SIK3: variants seen among roughly 807,000 people sequenced by gnomAD.
SIK3 encodes SIK family kinase 3, also known as serine/threonine-protein kinase SIK3.
SIK3 carries 28 observed loss-of-function variants against 144.2 expected under a neutral mutation model. The observed-to-expected ratio is 0.19, with a 90% CI of 0.14 to 0.27. SIK3 has a LOEUF of 0.27. SIK3 is among the 10% of genes least tolerant of loss of function. The probability of loss-of-function intolerance (pLI) is 1.00; values close to 1 mark genes in which losing one functional copy is unlikely to be tolerated. For synonymous variants in SIK3, 686 were observed against 676.3 expected, an observed-to-expected ratio of 1.01 and a Z score of -0.22; for missense variants, 1,319 against 1,776.0, an observed-to-expected ratio of 0.74 and a Z score of 4.62.
intron 1 of SIK3, among the ~76,000 whole-genome samples, chr11:117,034,573 A>C (rs1370056625): frequency 6.6e-6 from 1 of 152,206 alleles, no homozygotes; most frequent in African/African-American, 2.4e-5. Flanking sequence ...AGTAACACCA[A>C]AAACTTCAGA....
At chr11:117,031,506 A>ATTTTATTTTAT (rs1354801650) in intron 1 of SIK3, among the ~76,000 whole-genome samples, 32 of 148,978 alleles carry the variant, frequency 2.1e-4, no homozygotes, top group African/African-American at 7.4e-4. Context: ...ATTTTATTTT[A>ATTTTATTTTAT]TTTTATTTTA....
intron 3 of SIK3, among the ~76,000 whole-genome samples, chr11:116,939,221 C>T (rs1332621793): frequency 6.6e-6 from 1 of 152,216 alleles, no homozygotes; most frequent in Admixed American, 6.5e-5. Context: ...GGACTCAGCT[C>T]ACTGCAACCT....
intron 1 of SIK3, among the ~76,000 whole-genome samples, chr11:117,067,502 T>A (rs1954073583): frequency 6.6e-6 from 1 of 152,082 alleles, no homozygotes; most frequent in Non-Finnish European, 1.5e-5. Flanking sequence ...AATCAGTGGT[T>A]TTCTGGAAGT....
Position 116,900,788 on chromosome 11 carries a change from C to T in SIK3, c.617-3471G>A, listed in dbSNP as rs911905308. Among the ~76,000 whole-genome samples the T allele has an allele frequency of 5.9e-5, 9 of 152,296 alleles. No homozygotes were observed. The South Asian group carries it at 8.3e-4, about 14-fold the overall frequency. On this transcript the variant is annotated intron_variant, in intron 4 of 24. Transcript: ENST00000445177. The stretch of plus-strand genomic sequence containing the variant: ...ACACCATGTCAATGGCTTCCTCCTC[C>T]GTGCTTCCACAGCCTTTTGTTTACG...
intron 3 of SIK3, among the ~76,000 whole-genome samples, chr11:116,944,428 G>A (rs900655258): frequency 1.3e-5 from 2 of 151,690 alleles, no homozygotes; most frequent in African/African-American, 2.4e-5. Context: ...TGGGTCACGA[G>A]CATCAGTTGA....
intron 1 of SIK3, among the ~76,000 whole-genome samples, chr11:117,055,360 T>C (rs779116974): frequency 1.3e-5 from 2 of 152,252 alleles, no homozygotes; most frequent in African/African-American, 2.4e-5. Flanking sequence ...ACACACATTA[T>C]TCATTTACTC....
chr11:117,006,793 C>T (rs1951065519), intron 1 of SIK3, among the ~76,000 whole-genome samples: 2 of 152,146 alleles, frequency 1.3e-5, no homozygotes, highest in African/African-American at 4.8e-5. Context: ...AACAAAAATG[C>T]ACACTGGCCA....
At chr11:116,869,223 G>A (rs1394436874) in intron 14 of SIK3, 1 of 152,148 alleles carries the variant, frequency 6.6e-6, no homozygotes, top group African/African-American at 2.4e-5. Flanking sequence ...TATTGGCCAA[G>A]CTGTAGAAGG....
chr11:117,082,920 C>T (rs2134025721), intron 1 of SIK3, among the ~76,000 whole-genome samples: 1 of 152,178 alleles, frequency 6.6e-6, no homozygotes, highest in African/African-American at 2.4e-5. Flanking sequence ...TCTTTAACTA[C>T]AGATTGTCGC....
intron 3 of SIK3, among the ~76,000 whole-genome samples, chr11:116,933,991 A>C (rs1401733854): frequency 6.6e-6 from 1 of 152,122 alleles, no homozygotes; most frequent in African/African-American, 2.4e-5. Flanking sequence ...GCTCCTCCCC[A>C]AATAGCTGCA....
intron 1 of SIK3, among the ~76,000 whole-genome samples, chr11:117,068,071 T>C (rs1436441660): frequency 5.3e-5 from 8 of 152,138 alleles, no homozygotes; most frequent in Non-Finnish European, 1.2e-4. Flanking sequence ...ATAACAAATT[T>C]ATGTTAAAAA....
At chr11:117,031,656 G>A (rs7481286) in intron 1 of SIK3, among the ~76,000 whole-genome samples, 1 of 147,450 alleles carries the variant, frequency 6.8e-6, no homozygotes, top group Non-Finnish European at 1.5e-5. Flanking sequence ...AAGTAGCTGG[G>A]ATTACTGGCA....
At chr11:117,019,308 C>T (rs563826295) in intron 1 of SIK3, among the ~76,000 whole-genome samples, 1 of 152,024 alleles carries the variant, frequency 6.6e-6, no homozygotes, top group Non-Finnish European at 1.5e-5. Flanking sequence ...GGTGAGCCAC[C>T]GCACACGGTC....
At position 116,876,289 on chromosome 11, in the gene SIK3, C is replaced by T. The variant is rs144840001; in HGVS notation, c.1059G>A (p.Met353Ile). ...DPLNEDVLLA[M>I]EDMGLDKEQT... ...GTTCTTTGTCCAGTCCCATGTCCTC[C>T]ATGGCCAAGAGGACATCCTCATTCA... The change falls in exon 8 of 25, where the codon ATG (methionine) becomes ATA (isoleucine). Residue 353 changes from methionine (M) to isoleucine (I), a missense_variant. This residue lies in a region of SIK3 where 109 missense variants were observed against 109.3 expected (regional missense o/e 1.00). Transcript: ENST00000445177. 75 of 1,614,204 alleles carry T rather than the reference C, an allele frequency of 4.6e-5. No individual in the cohort carries two copies. The African/African-American group carries it at 9.2e-4, about 20-fold the overall frequency.
chr11:116,907,987 T>TAA (rs34564120), intron 4 of SIK3, among the ~76,000 whole-genome samples: 65 of 138,590 alleles, frequency 4.7e-4, no homozygotes, highest in African/African-American at 1.4e-3. Context: ...CGTTTTTATT[T>TAA]AAAAAAAAAA....
chr11:116,848,111 G>C (rs1334585585), intron 22 of SIK3, among the ~76,000 whole-genome samples: 2 of 152,138 alleles, frequency 1.3e-5, no homozygotes, highest in Non-Finnish European at 2.9e-5. Flanking sequence ...TCAGGAGATC[G>C]AGACCATCCT....
At chr11:116,915,124 A>G (rs369060384) in intron 4 of SIK3, among the ~76,000 whole-genome samples, 2,374 of 129,980 alleles carry the variant, frequency 0.018, 25 homozygotes, top group African/African-American at 0.028. Context: ...GAAGCCATAT[A>G]TGTGTGTGTG....
intron 6 of SIK3, among the ~76,000 whole-genome samples, chr11:116,889,407 C>G (rs866100172): frequency 6.6e-6 from 1 of 151,604 alleles, no homozygotes; most frequent in Admixed American, 6.6e-5. Context: ...TACAAAAAAT[C>G]TTTTAAAAAA....
chr11:116,940,822 T>C (rs1948250788), intron 3 of SIK3, among the ~76,000 whole-genome samples: 2 of 146,164 alleles, frequency 1.4e-5, no homozygotes, highest in African/African-American at 2.5e-5. Flanking sequence ...ATAAAATAAA[T>C]GTTAGTCATA....
Sources: gnomAD v4.1 joint callset for allele counts (sites outside exome capture counted in the v4.1 genomes callset) on GRCh38, gnomAD v4.1.1 for gene constraint, gnomAD v4.1.1 regional missense constraint, MANE v1.5 for transcripts, NCBI Gene and HGNC (gene_info 2026-07-23, HGNC 2026-07-21) for gene names.